ATF7IP: variants seen among roughly 807,000 people sequenced by gnomAD.
ATF7IP encodes the protein activating transcription factor 7 interacting protein.
A neutral mutation model predicts 106.4 loss-of-function variants in ATF7IP; 23 were observed. That is an observed-to-expected ratio of 0.22 (90% confidence interval 0.16 to 0.31). ATF7IP has a LOEUF of 0.31. Among genes scored for constraint, ATF7IP ranks in the 10% least tolerant of loss-of-function variants. The pLI, the probability that ATF7IP is intolerant of heterozygous loss-of-function variation, is 1.00. For missense variants in ATF7IP, 1,334 were observed against 1,524.3 expected, an observed-to-expected ratio of 0.88 and a Z score of 2.08; for synonymous variants, 542 against 539.0, an observed-to-expected ratio of 1.01 and a Z score of -0.08.
At chr12:14,456,470 A>G in intron 6 of ATF7IP, 91 bp from the exon 7 acceptor site, 2 of 787,180 alleles carry the variant, frequency 2.5e-6, no homozygotes, top group Non-Finnish European at 2.2e-6. Context: ...GACAGATAAT[A>G]TATTGACAGG....
At chr12:14,406,098 GC>G (rs1320499968) in intron 1 of ATF7IP, among the ~76,000 whole-genome samples, 1 of 152,066 alleles carries the variant, frequency 6.6e-6, no homozygotes, top group Non-Finnish European at 1.5e-5. Context: ...CACTTGTATT[GC>G]TTTGTTTTTT....
chr12:14,486,136 C>G (rs1944602024), intron 13 of ATF7IP, among the ~76,000 whole-genome samples: 1 of 152,178 alleles, frequency 6.6e-6, no homozygotes, highest in Non-Finnish European at 1.5e-5. Context: ...CATTTTGGCA[C>G]TGGGGAAATG....
chr12:14,417,775 A>G (rs1327124176), intron 1 of ATF7IP, among the ~76,000 whole-genome samples: 2 of 152,196 alleles, frequency 1.3e-5, no homozygotes, highest in Non-Finnish European at 2.9e-5. Context: ...ACTGTGTTCT[A>G]GATTACTTAT....
At chr12:14,473,819 T>A (rs991227155) in intron 10 of ATF7IP, among the ~76,000 whole-genome samples, 22 of 151,918 alleles carry the variant, frequency 1.4e-4, no homozygotes, top group East Asian at 9.7e-4. Flanking sequence ...TTTTTTTTTT[T>A]AAATTATCGG....
chr12:14,440,913 C>T (rs1371529994), intron 5 of ATF7IP, among the ~76,000 whole-genome samples: 1 of 152,158 alleles, frequency 6.6e-6, no homozygotes, highest in Non-Finnish European at 1.5e-5. Context: ...GTACTTCATT[C>T]CTTCTTAGGG....
chr12:14,392,532 C>T (rs1021524146), intron 1 of ATF7IP, among the ~76,000 whole-genome samples: 12 of 152,136 alleles, frequency 7.9e-5, no homozygotes, highest in Non-Finnish European at 1.0e-4. Context: ...TATTATGCAC[C>T]TATTATTTGC....
chr12:14,470,156 T>G (rs1369782579), intron 10 of ATF7IP, among the ~76,000 whole-genome samples: 1 of 152,204 alleles, frequency 6.6e-6, no homozygotes, highest in African/African-American at 2.4e-5. Flanking sequence ...CTTGGAGAGA[T>G]GTGCAAGGAA....
intron 11 of ATF7IP, among the ~76,000 whole-genome samples, chr12:14,477,719 T>A (rs764699755): frequency 1.6e-4 from 25 of 152,186 alleles, no homozygotes; most frequent in Non-Finnish European, 3.5e-4. Flanking sequence ...AGGACAGAAA[T>A]TGATGGGGAT....
Position 14,457,842 on chromosome 12 carries a change from C to T in ATF7IP, c.2158+547C>T, listed in dbSNP as rs562774185. 5.9e-5 allele frequency among the ~76,000 whole-genome samples: 9 copies of T among 152,118 alleles called. No individual in the cohort carries two copies. In the South Asian group the frequency reaches 1.9e-3, roughly 32 times the overall value. ...GGGCTTGGTCGCTCATGCCTGTAAT[C>T]CCAGGACTTTGAGAGGCTGAGGCAG... On this transcript the variant is annotated intron_variant, in intron 8 of 14. Transcript: ENST00000261168.
intron 6 of ATF7IP, among the ~76,000 whole-genome samples, chr12:14,452,967 T>C (rs1943264263): frequency 6.6e-6 from 1 of 152,228 alleles, no homozygotes; most frequent in Non-Finnish European, 1.5e-5. Flanking sequence ...AAGCATATTA[T>C]TGCCAGGTAT....
At chr12:14,399,964 A>C (rs887826833) in intron 1 of ATF7IP, among the ~76,000 whole-genome samples, 1 of 152,150 alleles carries the variant, frequency 6.6e-6, no homozygotes, top group Non-Finnish European at 1.5e-5. Flanking sequence ...TTGGGATGGT[A>C]GCCTCCATGT....
chr12:14,436,443 A>G (rs952519728), intron 4 of ATF7IP, among the ~76,000 whole-genome samples, 192 bp downstream of exon 4: 5 of 152,206 alleles, frequency 3.3e-5, no homozygotes, highest in East Asian at 1.9e-4. Context: ...TGTAATCCCA[A>G]TCCTTTGGGA....
intron 1 of ATF7IP, among the ~76,000 whole-genome samples, chr12:14,400,136 G>A (rs1940106431): frequency 6.6e-6 from 1 of 152,156 alleles, no homozygotes; most frequent in Non-Finnish European, 1.5e-5. Context: ...GATTCACACT[G>A]GCGTATCAGG....
Position 14,423,574 on chromosome 12 carries a change from CT to C in ATF7IP, c.-7-311del. ...TTTTCTTTCTCATTTTCTTCAGGTACTTTTTTTTTTTTTTTTTTTTTTTTAC... is the reference window on the plus strand; with the variant it reads ...TTTTCTTTCTCATTTTCTTCAGGTACTTTTTTTTTTTTTTTTTTTTTTTAC... On this transcript the variant is annotated intron_variant, in intron 1 of 14. Coordinates refer to ENST00000261168, the MANE Select transcript of ATF7IP (RefSeq NM_018179.5). 8.3e-3 allele frequency among the ~76,000 whole-genome samples: 287 copies of C among 34,384 alleles called. 5 individuals are homozygous for C. Among genetic ancestry groups the C allele is most frequent in the African/African-American group, 0.038 (255 of 6,724 alleles). The allele number at this position is 34,384 out of a possible 152,430, so 22.6% of individuals were successfully genotyped here.
chr12:14,404,112 T>C (rs931422777), intron 1 of ATF7IP, among the ~76,000 whole-genome samples: 2 of 144,796 alleles, frequency 1.4e-5, no homozygotes, highest in Admixed American at 7.3e-5. Flanking sequence ...TGGGCATCTT[T>C]GTAATTACAC....
chr12:14,476,900 A>G (rs1217877665), intron 11 of ATF7IP, among the ~76,000 whole-genome samples: 1 of 152,222 alleles, frequency 6.6e-6, no homozygotes, highest in Non-Finnish European at 1.5e-5. Context: ...GTGTTTCATG[A>G]ATATAAAGTT....
At chr12:14,487,125 C>CTT (rs35870394) in intron 13 of ATF7IP, among the ~76,000 whole-genome samples, 13,510 of 150,938 alleles carry the variant, frequency 0.09, 1,488 homozygotes, top group African/African-American at 0.26. Context: ...CTATTAGAAC[C>CTT]TTTTTTTTTA....
At chr12:14,462,634 T>C (rs1266625990) in intron 9 of ATF7IP, among the ~76,000 whole-genome samples, 1 of 152,054 alleles carries the variant, frequency 6.6e-6, no homozygotes, top group Non-Finnish European at 1.5e-5. Context: ...AATTTCATTA[T>C]TCTGTTCTCT....
At chr12:14,470,370 A>T (rs10846001) in intron 10 of ATF7IP, among the ~76,000 whole-genome samples, 47,890 of 152,108 alleles carry the variant, frequency 0.31, 8,666 homozygotes, top group Admixed American at 0.46. Context: ...TCTACTGTTA[A>T]AAACTATTTG....
Sources: gnomAD v4.1 joint callset for allele counts (sites outside exome capture counted in the v4.1 genomes callset) on GRCh38, gnomAD v4.1.1 for gene constraint, MANE v1.5 for transcripts, NCBI Gene and HGNC (gene_info 2026-07-23, HGNC 2026-07-21) for gene names.